Variants in FGFR3 observed in about 807,000 individuals in gnomAD.
FGFR3 encodes the protein fibroblast growth factor receptor 3.
A neutral mutation model predicts 82.9 loss-of-function variants in FGFR3; 25 were observed. The ratio of observed to expected loss-of-function variants is 0.30; its 90% CI spans 0.22 to 0.42. The LOEUF (loss-of-function observed/expected upper bound fraction) is 0.42. Among genes scored for constraint, FGFR3 ranks in the 10% least tolerant of loss-of-function variants. FGFR3 has a pLI of 1.00. For missense variants in FGFR3, 1,026 were observed against 1,161.0 expected, an observed-to-expected ratio of 0.88 and a Z score of 1.69; for synonymous variants, 620 against 516.0, an observed-to-expected ratio of 1.20 and a Z score of -2.73.
chr4:1,800,427 GCA>G (rs1341399442), intron 4 of FGFR3, among the ~76,000 whole-genome samples: 1 of 152,076 alleles, frequency 6.6e-6, no homozygotes, highest in African/African-American at 2.4e-5. Flanking sequence ...GGTCATCGTG[GCA>G]CAGACATGGG....
At chr4:1,802,684 A>G (rs2108788121) in intron 7 of FGFR3, among the ~76,000 whole-genome samples, 1 of 152,236 alleles carries the variant, frequency 6.6e-6, no homozygotes, top group African/African-American at 2.4e-5. Context: ...AGGGCAGGCC[A>G]GTGACCAGAG....
chr4:1,800,363 G>A (rs1721039714), intron 4 of FGFR3, among the ~76,000 whole-genome samples: 1 of 152,096 alleles, frequency 6.6e-6, no homozygotes, highest in Non-Finnish European at 1.5e-5. Flanking sequence ...GTAGGGTGGG[G>A]AGGTGGGGCT....
Position 1,802,034 on chromosome 4 carries a change from C to A in FGFR3, c.930+9C>A. The A allele has an allele frequency of 6.2e-7, 1 of 1,609,666 alleles. No homozygotes were observed. Among genetic ancestry groups the A allele is most frequent in the Non-Finnish European group, 8.5e-7 (1 of 1,178,478 alleles). On this transcript the variant is annotated intron_variant, in intron 7 of 17. Transcript: ENST00000440486. ...ACGTTACCGTGCTCAAGGTGGGCCA[C>A]CGTGTGCACGTGGGTGCCGCCGCTG...
In FGFR3 at chr4:1,801,676, C is replaced by T. The variant is rs756820432; in HGVS notation, c.672C>T (p.Gly224=). ...VMESVVPSDR[G]NYTCVVENKF... is the part of the protein sequence containing the mutation. ...AAAGCGTGGTGCCCTCGGACCGCGG[C>T]AACTACACCTGCGTCGTGGAGAACA... The change falls in exon 6 of 18, where the codon GGC becomes GGT. Residue 224 remains glycine, a synonymous_variant. Coordinates refer to ENST00000440486, the MANE Select transcript of FGFR3 (RefSeq NM_000142.5). 4 of 1,611,322 alleles carry T rather than the reference C, an allele frequency of 2.5e-6. No individual in the cohort carries two copies. The highest frequency in any genetic ancestry group is 1.1e-5 in the South Asian group (1 of 90,858).
rs1033669037 is a variant in FGFR3 at position 1,801,377 on chromosome 4, C to T, written c.456C>T (p.Tyr152=). 2.6e-6 allele frequency: 4 copies of T among 1,556,378 alleles called. No individual in the cohort carries two copies. In the Admixed American group the frequency reaches 5.7e-5, roughly 22 times the overall value. ...CACCTCGGCCCGCAGGGGCCCCTTA[C>T]TGGACACGGCCCGAGCGGATGGACA... ...EDTGVDTGAP[Y]WTRPERMDKK... Residue 152 remains tyrosine, a synonymous_variant, in exon 5 of 18, where the codon TAC becomes TAT. Coordinates refer to ENST00000440486, the MANE Select transcript of FGFR3 (RefSeq NM_000142.5).
intron 7 of FGFR3, among the ~76,000 whole-genome samples, 185 bp from the exon 8 acceptor site, chr4:1,803,507 G>C (rs543936103): frequency 6.6e-6 from 1 of 152,236 alleles, no homozygotes; most frequent in African/African-American, 2.4e-5. Flanking sequence ...GCCTGGCTTC[G>C]GGCTCAGTAC....
rs1358618786 is a variant in FGFR3 at position 1,806,168 on chromosome 4, A to T, written c.1954A>T (p.Thr652Ser). Residue 652 changes from threonine to serine, a missense_variant, in exon 14 of 18, where the codon ACC (threonine) becomes TCC (serine). Physicochemically the swap from Thr to Ser is moderately conservative, Grantham distance 58 (BLOSUM62 1). This residue lies in a region of FGFR3 where 45 missense variants were observed against 80.8 expected (regional missense o/e 0.56). Coordinates refer to ENST00000440486, the MANE Select transcript of FGFR3 (RefSeq NM_000142.5). ...CAACCTCGACTACTACAAGAAGACG[A>T]CCAACGTGAGCCCGGCCCTGGGGTG... ...VHNLDYYKKT[T>S]NGRLPVKWMA... 5.0e-6 allele frequency: 8 copies of T among 1,612,818 alleles called. No homozygotes were observed. The highest frequency in any genetic ancestry group is 6.8e-6 in the Non-Finnish European group (8 of 1,179,700).
chr4:1,793,615 C>G (rs1341347912), intron 1 of FGFR3, 150 bp downstream of exon 1: 1 of 150,418 alleles, frequency 6.6e-6, no homozygotes, highest in East Asian at 1.9e-4. Context: ...CCGCCGCCGC[C>G]GCCCTGGGAG....
At position 1,806,673 on chromosome 4, in the gene FGFR3, A is replaced by G. The variant is rs2108812622; in HGVS notation, c.2158A>G (p.Thr720Ala). 6.2e-7 allele frequency: 1 copy of G among 1,612,524 alleles called. No homozygotes were observed. Among genetic ancestry groups the G allele is most frequent in the South Asian group, 1.1e-5 (1 of 91,052 alleles). ...CCGCATGGACAAGCCCGCCAACTGC[A>G]CACACGACCTGTGAGTGGCATCCCT... ...GHRMDKPANCTHDLYMIMREC... is the reference protein window; with the variant it reads ...GHRMDKPANCAHDLYMIMREC... Residue 720 changes from threonine to alanine, a missense_variant, in exon 16 of 18, where the codon ACA becomes GCA. Thr to Ala is a moderately conservative substitution (Grantham distance 58). Around this residue, in one of 9 missense-constraint regions of FGFR3, gnomAD observed 155 missense variants for 150.2 expected, o/e 1.03. Coordinates refer to ENST00000440486, the MANE Select transcript of FGFR3 (RefSeq NM_000142.5).
rs587778801 is a variant in FGFR3 at position 1,801,518 on chromosome 4, C to T, written c.597C>T (p.His199=). The T allele has an allele frequency of 6.4e-7, 1 of 1,569,902 alleles. No individual in the cohort carries two copies. The highest frequency in any genetic ancestry group is 8.6e-7 in the Non-Finnish European group (1 of 1,158,478). The stretch of plus-strand genomic sequence containing the variant: ...ACGGCAGGGAGTTCCGCGGCGAGCA[C>T]CGCATTGGAGGCATCAAGGTGGGCG... ...LKNGREFRGE[H]RIGGIKLRHQ... Residue 199 remains histidine, a synonymous_variant, in exon 5 of 18, where the codon CAC becomes CAT. Transcript: ENST00000440486.
At position 1,807,091 on chromosome 4, in the gene FGFR3, C is replaced by T. The variant is rs1002124135; in HGVS notation, c.2275-25C>T. On this transcript the variant is annotated intron_variant, in intron 17 of 17. Coordinates refer to ENST00000440486, the MANE Select transcript of FGFR3 (RefSeq NM_000142.5). ...TGCGAAGAGGGGCTCGGTGGCACAG[C>T]GCTCACCCCGCCTCCCGCCAGCAGG... is the stretch of plus-strand genomic sequence containing the variant. 10 of 1,559,982 alleles carry T rather than the reference C, an allele frequency of 6.4e-6. No individual in the cohort carries two copies. The African/African-American group carries it at 6.8e-5, about 11-fold the overall frequency.
At position 1,803,792 on chromosome 4, in the gene FGFR3, C is replaced by A; in HGVS notation, c.1031C>A (p.Ser344Tyr). ...GAGTACACCTGCCTGGCGGGCAATT[C>A]TATTGGGTTTTCTCATCACTCTGCG... ...AGEYTCLAGNSIGFSHHSAWL... is the reference protein window; with the variant it reads ...AGEYTCLAGNYIGFSHHSAWL... The change falls in exon 8 of 18, where the codon TCT (serine) becomes TAT (tyrosine). Residue 344 changes from serine (S) to tyrosine (Y), a missense_variant. Ser to Tyr is a moderately radical substitution (Grantham distance 144, BLOSUM62 -2). This residue lies in a region of FGFR3 where 256 missense variants were observed against 217.6 expected (regional missense o/e 1.18). Transcript: ENST00000440486. 1.2e-6 allele frequency: 2 copies of A among 1,613,964 alleles called. No individual in the cohort carries two copies. The highest frequency in any genetic ancestry group is 2.2e-5 in the East Asian group (1 of 44,898).
chr4:1,798,291 G>GC (rs1420670975), intron 2 of FGFR3, among the ~76,000 whole-genome samples: 1 of 151,606 alleles, frequency 6.6e-6, no homozygotes, highest in Non-Finnish European at 1.5e-5. Context: ...ACAGCTTCCT[G>GC]CCCCCAGCCT....
Position 1,805,608 on chromosome 4 carries a change from G to C in FGFR3, c.1584G>C (p.Met528Ile), listed in dbSNP as rs1448843898. 1 of 1,613,350 alleles carries C rather than the reference G, an allele frequency of 6.2e-7. No individual in the cohort carries two copies. The highest frequency in any genetic ancestry group is 8.5e-7 in the Non-Finnish European group (1 of 1,179,802). ...DLSDLVSEME[M>I]MKMIGKHKNI... Reference sequence around the variant, plus strand: ...CGGACCTGGTGTCTGAGATGGAGATGATGAAGATGATCGGGAAACACAAAA... The same window carrying C: ...CGGACCTGGTGTCTGAGATGGAGATCATGAAGATGATCGGGAAACACAAAA... The change falls in exon 12 of 18, where the codon ATG becomes ATC. Residue 528 changes from methionine (M) to isoleucine (I), a missense_variant. Transcript: ENST00000440486.
intron 3 of FGFR3, 81 bp from the exon 4 acceptor site, chr4:1,799,666 G>C: frequency 1.3e-6 from 2 of 1,578,588 alleles, no homozygotes; most frequent in Non-Finnish European, 1.7e-6. Flanking sequence ...CCAAATGGGG[G>C]ACCCTGCCCC....
chr4:1,800,456 C>T (rs889076182), intron 4 of FGFR3, among the ~76,000 whole-genome samples: 27 of 152,012 alleles, frequency 1.8e-4, no homozygotes, highest in Non-Finnish European at 3.4e-4. Context: ...TTACGACTTG[C>T]GGACTGATGG....
In FGFR3 at chr4:1,805,210, C is replaced by T. The variant is rs532744317; in HGVS notation, c.1413-145C>T. 6.0e-4 allele frequency: 873 copies of T among 1,463,820 alleles called. 1 individual carries two copies. Among genetic ancestry groups the T allele is most frequent in the Non-Finnish European group, 7.7e-4 (828 of 1,080,868 alleles). The allele number at this position is 1,463,820 out of a possible 1,614,324, so 90.7% of individuals were successfully genotyped here. On this transcript the variant is annotated intron_variant, in intron 10 of 17. Transcript: ENST00000440486. ...CTGTGGGTGACACTCTTCGTCCTTA[C>T]GAGCAGGCTGTAGGGGGAGCATGGA... is the stretch of plus-strand genomic sequence containing the variant.
intron 2 of FGFR3, among the ~76,000 whole-genome samples, chr4:1,798,653 G>C (rs1212195870): frequency 6.6e-6 from 1 of 151,900 alleles, no homozygotes. Context: ...CTTCTCGCCT[G>C]TTCTGTTCCC....
In FGFR3 at chr4:1,799,246, C is replaced by A; in HGVS notation, c.110-8C>A. 5.0e-6 allele frequency: 8 copies of A among 1,612,292 alleles called. No homozygotes were observed. Among genetic ancestry groups the A allele is most frequent in the Non-Finnish European group, 6.8e-6 (8 of 1,179,962 alleles). On this transcript the variant is annotated splice_polypyrimidine_tract_variant and splice_region_variant and intron_variant, in intron 2 of 17. Coordinates refer to ENST00000440486, the MANE Select transcript of FGFR3 (RefSeq NM_000142.5). ...TGCCTGCCTCATGGTTGCCCATCTT[C>A]CCCACAGAAGTCCCGGGCCCAGAGC...
Sources: allele counts gnomAD v4.1 joint callset (sites outside exome capture counted in the v4.1 genomes callset), GRCh38; gene constraint gnomAD v4.1.1; regional missense constraint gnomAD v4.1.1; transcripts MANE v1.5; gene names NCBI Gene and HGNC (gene_info 2026-07-23, HGNC 2026-07-21).